The following DCAF8 variants were observed in gnomAD, a reference collection of about 807,000 sequenced individuals.
DCAF8 encodes DDB1 and CUL4 associated factor 8.
A neutral mutation model predicts 68.0 loss-of-function variants in DCAF8; 20 were observed. The ratio of observed to expected loss-of-function variants is 0.29; its 90% CI spans 0.21 to 0.43. The LOEUF is 0.43. Ranked by LOEUF, DCAF8 falls within the 20% of genes least tolerant of loss-of-function variation. The pLI, the probability that DCAF8 is intolerant of heterozygous loss-of-function variation, is 1.00. For synonymous variants in DCAF8, 230 were observed against 276.9 expected (o/e 0.83, Z 1.68); for missense variants, 460 against 771.0 (o/e 0.60, Z 4.78).
At chr1:160,226,174 T>C (rs1176390976) in intron 7 of DCAF8, among the ~76,000 whole-genome samples, 2 of 152,298 alleles carry the variant, frequency 1.3e-5, no homozygotes, top group South Asian at 2.1e-4. Flanking sequence ...TACTTTTCAC[T>C]GAAACAACTA....
At chr1:160,239,347 A>T (rs1269371558) in intron 4 of DCAF8, 1 of 1,293,442 alleles carries the variant, frequency 7.7e-7, no homozygotes, top group Non-Finnish European at 1.0e-6. Flanking sequence ...AGACAAAGGT[A>T]AAATAACTTG....
intron 9 of DCAF8, 138 bp from the exon 10 acceptor site, chr1:160,224,687 C>T: frequency 1.5e-6 from 1 of 675,282 alleles, no homozygotes; most frequent in South Asian, 1.7e-5. Context: ...ATTTGGAACA[C>T]CAGGCAAGTC....
chr1:160,262,283 G>A (rs1266293484), intron 1 of DCAF8, 166 bp downstream of exon 1: 1 of 399,462 alleles, frequency 2.5e-6, no homozygotes, highest in Non-Finnish European at 4.4e-6. Context: ...GACCGGGTAG[G>A]TCAAGGGAGG....
intron 2 of DCAF8, among the ~76,000 whole-genome samples, chr1:160,248,294 G>C (rs1230146671): frequency 6.7e-6 from 1 of 148,344 alleles, no homozygotes; most frequent in Non-Finnish European, 1.5e-5. Flanking sequence ...GTGACAAAGA[G>C]AGACTCCATC....
At chr1:160,224,891 T>A (rs1655414628) in intron 9 of DCAF8, among the ~76,000 whole-genome samples, 171 bp downstream of exon 9, 1 of 152,138 alleles carries the variant, frequency 6.6e-6, no homozygotes, top group African/African-American at 2.4e-5. Context: ...TCTCCAAGGG[T>A]CATCTACTGT....
chr1:160,228,092 A>AT (rs34386233), intron 7 of DCAF8, among the ~76,000 whole-genome samples: 90,692 of 145,236 alleles, frequency 0.62, 28,831 homozygotes, highest in African/African-American at 0.78. Flanking sequence ...TTTTTTCTTA[A>AT]TTTTTTTTTT....
chr1:160,239,077 G>T, intron 4 of DCAF8: 1 of 771,642 alleles, frequency 1.3e-6, no homozygotes, highest in Non-Finnish European at 1.6e-6. Context: ...GATTAAGAAA[G>T]TAAATATAAA....
In DCAF8 at chr1:160,239,863, T is replaced by A; in HGVS notation, c.557A>T (p.Gln186Leu). ...ARVFVQRFRLQHGLEGHTGCV... is the reference protein window; with the variant it reads ...ARVFVQRFRLLHGLEGHTGCV... Reference sequence around the variant, plus strand: ...ACCAGTATGGCCCTCAAGCCCATGCTGCAGGCGGAAACGCTGCACAAAGAC... The same window carrying A: ...ACCAGTATGGCCCTCAAGCCCATGCAGCAGGCGGAAACGCTGCACAAAGAC... The change falls in exon 4 of 14, where the codon CAG becomes CTG. Residue 186 changes from glutamine to leucine, a missense_variant. Transcript: ENST00000368074. The A allele has an allele frequency of 6.2e-7, 1 of 1,614,270 alleles. No individual in the cohort carries two copies. The highest frequency in any genetic ancestry group is 8.5e-7 in the Non-Finnish European group (1 of 1,180,042).
intron 6 of DCAF8, among the ~76,000 whole-genome samples, chr1:160,234,612 C>T (rs75184724): frequency 6.6e-6 from 1 of 152,222 alleles, no homozygotes; most frequent in South Asian, 2.1e-4. Context: ...TAAGATCTCA[C>T]TCTGTTTCAC....
intron 3 of DCAF8, among the ~76,000 whole-genome samples, chr1:160,243,351 G>C (rs1219514727): frequency 6.6e-6 from 1 of 151,988 alleles, no homozygotes; most frequent in Non-Finnish European, 1.5e-5. Flanking sequence ...GAAATAAGGA[G>C]GGGAAAGATG....
intron 6 of DCAF8, among the ~76,000 whole-genome samples, chr1:160,233,255 A>G (rs1180521895): frequency 6.6e-6 from 1 of 152,204 alleles, no homozygotes; most frequent in Non-Finnish European, 1.5e-5. Flanking sequence ...TTTTCATTAA[A>G]TGAATACAGA....
intron 2 of DCAF8, among the ~76,000 whole-genome samples, chr1:160,247,031 C>T (rs1656367473): frequency 6.6e-6 from 1 of 152,214 alleles, no homozygotes; most frequent in African/African-American, 2.4e-5. Context: ...CTGAGGTCTG[C>T]AGAGAACATA....
intron 7 of DCAF8, 105 bp downstream of exon 7, chr1:160,231,192 A>T: frequency 2.6e-6 from 2 of 781,410 alleles, no homozygotes; most frequent in Non-Finnish European, 4.3e-6. Flanking sequence ...GATAATAGTT[A>T]ATGGATTCCT....
intron 11 of DCAF8, chr1:160,219,850 A>C (rs1655240889): frequency 6.6e-6 from 1 of 152,276 alleles, no homozygotes; most frequent in Non-Finnish European, 1.5e-5. Context: ...AGTTAGTTCC[A>C]GATCTAGCTG....
chr1:160,231,361 T>C lies in DCAF8; in HGVS notation c.1006A>G (p.Thr336Ala), dbSNP rs1477780092. The C allele has an allele frequency of 6.2e-7, 1 of 1,614,054 alleles. No individual in the cohort carries two copies. Residue 336 changes from threonine (T) to alanine (A), a missense_variant, in exon 7 of 14, where the codon ACG becomes GCG. This residue lies in a region of DCAF8 where 170 missense variants were observed against 318.2 expected (regional missense o/e 0.53). Coordinates refer to ENST00000368074, the MANE Select transcript of DCAF8 (RefSeq NM_015726.4). ...KEKEKKVGLY[T>A]IYVNPANTHQ... ...GTATTGGCAGGATTCACATAGATCG[T>C]ATACAGCCCCACTTTCTTCTCTTTC...
intron 7 of DCAF8, among the ~76,000 whole-genome samples, chr1:160,226,103 C>A (rs548390704): frequency 6.6e-6 from 1 of 152,278 alleles, no homozygotes; most frequent in South Asian, 2.1e-4. Context: ...AAGTGGCAAT[C>A]CTCAATTCTG....
At chr1:160,218,212 T>C in intron 13 of DCAF8, 112 bp downstream of exon 13, 1 of 803,484 alleles carries the variant, frequency 1.2e-6, no homozygotes, top group South Asian at 1.5e-5. Context: ...GGACAGTGGA[T>C]AGGAAATCCG....
At chr1:160,259,518 C>T (rs1320287118) in intron 2 of DCAF8, among the ~76,000 whole-genome samples, 1 of 141,654 alleles carries the variant, frequency 7.1e-6, no homozygotes, top group Non-Finnish European at 1.5e-5. Context: ...GGTGACAGAG[C>T]AAGACTCGTC....
chr1:160,245,094 T>C (rs975216013), intron 2 of DCAF8, among the ~76,000 whole-genome samples: 1 of 152,116 alleles, frequency 6.6e-6, no homozygotes, highest in Non-Finnish European at 1.5e-5. Flanking sequence ...CATTAAACCA[T>C]CTCATCCCAT....
Sources: gnomAD v4.1 joint callset for allele counts (sites outside exome capture counted in the v4.1 genomes callset) on GRCh38, gnomAD v4.1.1 for gene constraint, gnomAD v4.1.1 regional missense constraint, MANE v1.5 for transcripts, NCBI Gene and HGNC (gene_info 2026-07-23, HGNC 2026-07-21) for gene names.